JAKMIP1: variants seen among roughly 807,000 people sequenced by gnomAD.
The protein encoded by JAKMIP1 is janus kinase and microtubule interacting protein 1.
JAKMIP1 carries 33 observed loss-of-function variants against 113.0 expected under a neutral mutation model. The observed-to-expected ratio is 0.29, with a 90% CI of 0.22 to 0.39. JAKMIP1 has a LOEUF of 0.39. Ranked by LOEUF, JAKMIP1 falls within the 10% of genes least tolerant of loss-of-function variation. The pLI is 1.00. For synonymous variants in JAKMIP1, 480 were observed against 459.9 expected, an observed-to-expected ratio of 1.04 and a Z score of -0.56; for missense variants, 813 against 1,080.5, an observed-to-expected ratio of 0.75 and a Z score of 3.47.
At position 6,078,956 on chromosome 4, in the gene JAKMIP1, T is replaced by C. The variant is rs1720091349; in HGVS notation, c.1285A>G (p.Ser429Gly). 1 of 1,614,044 alleles carries C rather than the reference T, an allele frequency of 6.2e-7. No homozygotes were observed. The highest frequency in any genetic ancestry group is 8.5e-7 in the Non-Finnish European group (1 of 1,180,020). Residue 429 changes from serine (S) to glycine (G), a missense_variant, in exon 8 of 21, where the codon AGT becomes GGT. Transcript: ENST00000409021. ...AGGCTCACCTTGGGCGGTTTCAGAC[T>C]TTTCCCTCGATGCCTTTTGGAGCGC... ...LLRSKRHRGKSLKPPKKHVVE... is the reference protein window; with the variant it reads ...LLRSKRHRGKGLKPPKKHVVE...
chr4:6,148,814 GGCCTGGCCTAGAA>G (rs1353095514), intron 1 of JAKMIP1, among the ~76,000 whole-genome samples: 1 of 152,258 alleles, frequency 6.6e-6, no homozygotes, highest in Non-Finnish European at 1.5e-5. Flanking sequence ...AGCATCCTCA[GGCCTGGCCTAGAA>G]GAAGCCCCCG....
chr4:6,169,044 T>A (rs1233053461), intron 1 of JAKMIP1, among the ~76,000 whole-genome samples: 1 of 152,216 alleles, frequency 6.6e-6, no homozygotes, highest in Non-Finnish European at 1.5e-5. Flanking sequence ...GCTCTGCAAT[T>A]AGATAGTGAT....
At chr4:6,107,955 T>C (rs568299017) in intron 2 of JAKMIP1, among the ~76,000 whole-genome samples, 2 of 152,244 alleles carry the variant, frequency 1.3e-5, no homozygotes, top group Admixed American at 1.3e-4. Context: ...TCTGACTTTC[T>C]GCATCAGGGG....
rs1723837450 is a variant in JAKMIP1 at position 6,167,841 on chromosome 4, T to C, written c.-148+32412A>G. Among the ~76,000 whole-genome samples, 1 of 152,232 alleles carries C rather than the reference T, an allele frequency of 6.6e-6. No individual in the cohort carries two copies. The highest frequency in any genetic ancestry group is 6.5e-5 in the Admixed American group (1 of 15,284). On this transcript the variant is annotated intron_variant, in intron 1 of 20. Transcript: ENST00000409021. This position sits in a 1 kb window ranked among gnomAD's most constrained non-coding sequence, Gnocchi z 5.3. Reference sequence around the variant, plus strand: ...AAAATTAAAAGACATCTGAGTGCACTGAATGCTTCGGTTTAGAGCATGCCA... The same window carrying C: ...AAAATTAAAAGACATCTGAGTGCACCGAATGCTTCGGTTTAGAGCATGCCA...
chr4:6,132,699 A>G (rs927335109), intron 1 of JAKMIP1, among the ~76,000 whole-genome samples: 1 of 152,112 alleles, frequency 6.6e-6, no homozygotes, highest in Admixed American at 6.5e-5. Context: ...AAATAGAAAC[A>G]AAGATTAAGG....
At chr4:6,133,464 TG>T (rs1295286105) in intron 1 of JAKMIP1, among the ~76,000 whole-genome samples, 3 of 152,122 alleles carry the variant, frequency 2.0e-5, no homozygotes, top group Non-Finnish European at 4.4e-5. Context: ...AAAAAGCAAA[TG>T]AACAAGAGTT....
rs1313524554 is a variant in JAKMIP1 at position 6,031,094 on chromosome 4, A to G, written c.2380-1313T>C. On this transcript the variant is annotated intron_variant, in intron 19 of 20. Coordinates refer to ENST00000409021, the MANE Select transcript of JAKMIP1 (RefSeq NM_001099433.2). This position sits in a 1 kb window ranked among gnomAD's most constrained non-coding sequence, Gnocchi z 4.4. ...ATTACCGTTCAGACAATAGCAGCATACACATAAATAGAAGGGGCATCAGAT... is the reference window on the plus strand; with the variant it reads ...ATTACCGTTCAGACAATAGCAGCATGCACATAAATAGAAGGGGCATCAGAT... 6.6e-6 allele frequency among the ~76,000 whole-genome samples: 1 copy of G among 152,202 alleles called. No homozygotes were observed. Among genetic ancestry groups the G allele is most frequent in the Non-Finnish European group, 1.5e-5 (1 of 68,048 alleles).
chr4:6,082,661 C>A (rs776874413), intron 5 of JAKMIP1, among the ~76,000 whole-genome samples: 1 of 152,054 alleles, frequency 6.6e-6, no homozygotes, highest in South Asian at 2.1e-4. Context: ...CACCACTGCA[C>A]CCAGCTAATT....
At position 6,095,495 on chromosome 4, in the gene JAKMIP1, C is replaced by T. The variant is rs564729339; in HGVS notation, c.625-9866G>A. ...TCACCTGCTTCCCCTCATTCTACTT[C>T]TGCAAGACAGAGTCCTGTTTGCAGC... On this transcript the variant is annotated intron_variant, in intron 3 of 20. Coordinates refer to ENST00000409021, the MANE Select transcript of JAKMIP1 (RefSeq NM_001099433.2). Among the ~76,000 whole-genome samples, 3 of 152,326 alleles carry T rather than the reference C, an allele frequency of 2.0e-5. No homozygotes were observed. The South Asian group carries it at 6.2e-4, about 32-fold the overall frequency.
chr4:6,106,159 C>T lies in JAKMIP1; in HGVS notation c.130-192G>A, dbSNP rs28399102. 0.066 allele frequency among the ~76,000 whole-genome samples: 10,060 copies of T among 152,238 alleles called. 737 individuals are homozygous for T. The highest frequency in any genetic ancestry group is 0.17 in the African/African-American group (7,219 of 41,508). On this transcript the variant is annotated intron_variant, in intron 2 of 20. Coordinates refer to ENST00000409021, the MANE Select transcript of JAKMIP1 (RefSeq NM_001099433.2). The surrounding 1 kb of genome is among the most constrained non-coding windows in gnomAD (Gnocchi z 5.9). Reference sequence around the variant, plus strand: ...CTCCTGCCAGCCCCACTTAGAATCTCTCCTGCTAGTTCCCTGAGACTTTCC... The same window carrying T: ...CTCCTGCCAGCCCCACTTAGAATCTTTCCTGCTAGTTCCCTGAGACTTTCC...
At position 6,178,821 on chromosome 4, in the gene JAKMIP1, C is replaced by A. The variant is rs1725694807; in HGVS notation, c.-148+21432G>T. ...TCCACTGACCTCATCCCCACACAAA[C>A]CTCCCCCATCTCCCAACCTCAGAGC... On this transcript the variant is annotated intron_variant, in intron 1 of 20. Transcript: ENST00000409021. This position sits in a 1 kb window ranked among gnomAD's most constrained non-coding sequence, Gnocchi z 5.5. 6.6e-6 allele frequency among the ~76,000 whole-genome samples: 1 copy of A among 152,170 alleles called. No homozygotes were observed. Among genetic ancestry groups the A allele is most frequent in the Non-Finnish European group, 1.5e-5 (1 of 68,018 alleles).
At chr4:6,087,256 G>A (rs577712582) in intron 3 of JAKMIP1, among the ~76,000 whole-genome samples, 10 of 150,234 alleles carry the variant, frequency 6.7e-5, no homozygotes, top group African/African-American at 1.8e-4. Context: ...CTAAAATCCC[G>A]CCCACCCCCC....
chr4:6,161,681 G>T (rs1182825085), intron 1 of JAKMIP1, among the ~76,000 whole-genome samples: 1 of 152,120 alleles, frequency 6.6e-6, no homozygotes, highest in South Asian at 2.1e-4. Flanking sequence ...TGCTGTCCAA[G>T]GGTGACCAGA....
intron 18 of JAKMIP1, among the ~76,000 whole-genome samples, chr4:6,037,867 T>C (rs1168935111): frequency 2.1e-4 from 24 of 113,154 alleles, no homozygotes; most frequent in South Asian, 3.4e-4. Flanking sequence ...CCTCCATCAC[T>C]GAGGCAGAGG....
In JAKMIP1 at chr4:6,180,787, G is replaced by T. The variant is rs184371923; in HGVS notation, c.-148+19466C>A. 6.6e-6 allele frequency among the ~76,000 whole-genome samples: 1 copy of T among 152,248 alleles called. No homozygotes were observed. The highest frequency in any genetic ancestry group is 6.5e-5 in the Admixed American group (1 of 15,286). ...CAGTGACATTTAATTTTCTGTCAACGTGCTTTGTTCTCAGAGGGCCATGGC... is the reference window on the plus strand; with the variant it reads ...CAGTGACATTTAATTTTCTGTCAACTTGCTTTGTTCTCAGAGGGCCATGGC... On this transcript the variant is annotated intron_variant, in intron 1 of 20. Transcript: ENST00000409021. This position sits in a 1 kb window ranked among gnomAD's most constrained non-coding sequence, Gnocchi z 4.5.
At position 6,080,688 on chromosome 4, in the gene JAKMIP1, G is replaced by A. The variant is rs1304334889; in HGVS notation, c.1102-376C>T. Among the ~76,000 whole-genome samples, 1 of 152,088 alleles carries A rather than the reference G, an allele frequency of 6.6e-6. No individual in the cohort carries two copies. Among genetic ancestry groups the A allele is most frequent in the Non-Finnish European group, 1.5e-5 (1 of 68,036 alleles). ...CTTTAGCTTTCTGCCATGATTGTGA[G>A]GCCTCCCCAGCCACGTGAAACTGTG... On this transcript the variant is annotated intron_variant, in intron 6 of 20. Coordinates refer to ENST00000409021, the MANE Select transcript of JAKMIP1 (RefSeq NM_001099433.2). The surrounding 1 kb of genome is among the most constrained non-coding windows in gnomAD (Gnocchi z 6.0).
In JAKMIP1 at chr4:6,105,936, G is replaced by A. The variant is rs771019447; in HGVS notation, c.161C>T (p.Ala54Val). Residue 54 changes from alanine (A) to valine (V), a missense_variant, in exon 3 of 21, where the codon GCG becomes GTG. Coordinates refer to ENST00000409021, the MANE Select transcript of JAKMIP1 (RefSeq NM_001099433.2). ...CTGCTCCTGCTCGCGCTCCAGCTTC[G>A]CCTCCTGCAGCCGCTCGCGCAGTTT... is the stretch of plus-strand genomic sequence containing the variant. ...VGKLRERLQE[A>V]KLEREQEQRR... 1.6e-5 allele frequency: 26 copies of A among 1,606,814 alleles called. No individual in the cohort carries two copies. In the Admixed American group the frequency reaches 1.7e-4, roughly 10 times the overall value.
At position 6,162,545 on chromosome 4, in the gene JAKMIP1, T is replaced by C. The variant is rs1406723218; in HGVS notation, c.-148+37708A>G. Among the ~76,000 whole-genome samples the C allele has an allele frequency of 6.6e-6, 1 of 152,218 alleles. No individual in the cohort carries two copies. The highest frequency in any genetic ancestry group is 1.5e-5 in the Non-Finnish European group (1 of 68,040). On this transcript the variant is annotated intron_variant, in intron 1 of 20. Transcript: ENST00000409021. The surrounding 1 kb of genome is among the most constrained non-coding windows in gnomAD (Gnocchi z 5.6). ...CCAAAAAGAGAATGCAGTATTAGTGTTCTGATTAGCAGGTTAACTTGCACA... is the reference window on the plus strand; with the variant it reads ...CCAAAAAGAGAATGCAGTATTAGTGCTCTGATTAGCAGGTTAACTTGCACA...
At position 6,181,316 on chromosome 4, in the gene JAKMIP1, G is replaced by C. The variant is rs187898338; in HGVS notation, c.-148+18937C>G. Among the ~76,000 whole-genome samples the C allele has an allele frequency of 2.6e-5, 4 of 152,328 alleles. No homozygotes were observed. Among genetic ancestry groups the C allele is most frequent in the African/African-American group, 9.6e-5 (4 of 41,572 alleles). Reference sequence around the variant, plus strand: ...GGAGGGTCATGCTGAGAGAGGAAGAGACCAGGGGCTCGAAGAGTAACACTA... The same window carrying C: ...GGAGGGTCATGCTGAGAGAGGAAGACACCAGGGGCTCGAAGAGTAACACTA... On this transcript the variant is annotated intron_variant, in intron 1 of 20. Coordinates refer to ENST00000409021, the MANE Select transcript of JAKMIP1 (RefSeq NM_001099433.2). This position sits in a 1 kb window ranked among gnomAD's most constrained non-coding sequence, Gnocchi z 5.4.
Sources: allele counts gnomAD v4.1 joint callset (sites outside exome capture counted in the v4.1 genomes callset), GRCh38; gene constraint gnomAD v4.1.1; non-coding constraint Gnocchi (gnomAD v3.1); transcripts MANE v1.5; gene names NCBI Gene and HGNC (gene_info 2026-07-23, HGNC 2026-07-21).